The following SPON1 variants were observed in gnomAD, a reference collection of about 807,000 sequenced individuals.
The protein encoded by SPON1 is spondin 1, also known as spondin-1.
In SPON1, 52 loss-of-function variants were observed where a neutral mutation model predicts 111.7. That is an observed-to-expected ratio of 0.47 (90% confidence interval 0.37 to 0.59). The LOEUF is 0.59. Among genes scored for constraint, SPON1 ranks in the 20% least tolerant of loss-of-function variants. The probability of loss-of-function intolerance (pLI) is 0.00; values close to 1 mark genes in which losing one functional copy is unlikely to be tolerated. For synonymous variants in SPON1, 410 were observed against 395.8 expected, an observed-to-expected ratio of 1.04 and a Z score of -0.43; for missense variants, 957 against 1,068.5, an observed-to-expected ratio of 0.90 and a Z score of 1.46.
intron 7 of SPON1, among the ~76,000 whole-genome samples, chr11:14,247,190 T>G (rs578151842): frequency 5.9e-5 from 9 of 152,302 alleles, no homozygotes; most frequent in East Asian, 1.9e-4. Flanking sequence ...GGAGGCTCAC[T>G]CGAGCCCAGG....
At chr11:14,037,663 T>C (rs1554916813) in intron 2 of SPON1, among the ~76,000 whole-genome samples, 1 of 152,164 alleles carries the variant, frequency 6.6e-6, no homozygotes, top group African/African-American at 2.4e-5. Flanking sequence ...CTAGATGACA[T>C]TGGATATGGC....
chr11:14,194,676 TG>T (rs1848382735), intron 6 of SPON1, among the ~76,000 whole-genome samples: 1 of 152,220 alleles, frequency 6.6e-6, no homozygotes, highest in Non-Finnish European at 1.5e-5. Flanking sequence ...TTTCCTGCTC[TG>T]GTAAGCTAAT....
intron 1 of SPON1, among the ~76,000 whole-genome samples, chr11:13,963,830 G>A (rs1409138157): frequency 6.6e-6 from 1 of 152,164 alleles, no homozygotes; most frequent in East Asian, 1.9e-4. Flanking sequence ...GTGGGGACAG[G>A]GTCCTCAAAG....
intron 5 of SPON1, among the ~76,000 whole-genome samples, chr11:14,113,642 G>A (rs1849244234): frequency 1.7e-5 from 2 of 120,556 alleles, no homozygotes; most frequent in East Asian, 2.4e-4. Context: ...TCGCTCTGTC[G>A]CCCAGGCTGG....
intron 2 of SPON1, among the ~76,000 whole-genome samples, chr11:13,984,543 A>T (rs1352092975): frequency 4.6e-5 from 7 of 152,136 alleles, no homozygotes; most frequent in African/African-American, 1.4e-4. Context: ...CACTCTCAAG[A>T]TAACTAATCC....
At position 14,003,079 on chromosome 11, in the gene SPON1, A is replaced by G. The variant is rs1219832708; in HGVS notation, c.345+20126A>G. 5.3e-5 allele frequency among the ~76,000 whole-genome samples: 8 copies of G among 151,996 alleles called. 1 individual carries two copies. The highest frequency in any genetic ancestry group is 1.9e-4 in the African/African-American group (8 of 41,430). On this transcript the variant is annotated intron_variant, in intron 2 of 15. Coordinates refer to ENST00000576479, the MANE Select transcript of SPON1 (RefSeq NM_006108.4). The stretch of plus-strand genomic sequence containing the variant: ...AATGGCCTCCGCGTTGTCCGTGCAC[A>G]CTCCATCATCTTGCACACATTCCTC...
rs1847586732 is a variant in SPON1, at chr11:14,135,971, A to G, written c.825+403A>G. On this transcript the variant is annotated intron_variant, in intron 6 of 15. Coordinates refer to ENST00000576479, the MANE Select transcript of SPON1 (RefSeq NM_006108.4). The surrounding 1 kb of genome is among the most constrained non-coding windows in gnomAD (Gnocchi z 4.4). ...TGAGTATTGGCACGTGCTTTTTGCAACTATGTCTTGAGGTACTTGATAAAT... is the reference window on the plus strand; with the variant it reads ...TGAGTATTGGCACGTGCTTTTTGCAGCTATGTCTTGAGGTACTTGATAAAT... Among the ~76,000 whole-genome samples, 1 of 152,202 alleles carries G rather than the reference A, an allele frequency of 6.6e-6. No individual in the cohort carries two copies. Among genetic ancestry groups the G allele is most frequent in the African/African-American group, 2.4e-5 (1 of 41,434 alleles).
At chr11:14,204,785 C>T (rs1848500170) in intron 6 of SPON1, among the ~76,000 whole-genome samples, 1 of 151,886 alleles carries the variant, frequency 6.6e-6, no homozygotes, top group Non-Finnish European at 1.5e-5. Context: ...CCCGGGTTCA[C>T]GCCATTCTCC....
chr11:14,016,756 A>T (rs1554914328), intron 2 of SPON1, among the ~76,000 whole-genome samples: 1 of 152,212 alleles, frequency 6.6e-6, no homozygotes, highest in African/African-American at 2.4e-5. Context: ...AAATTGGGAA[A>T]GTCAAGAAGC....
intron 2 of SPON1, among the ~76,000 whole-genome samples, chr11:14,036,796 G>T (rs1848597570): frequency 6.6e-6 from 1 of 152,148 alleles, no homozygotes; most frequent in African/African-American, 2.4e-5. Context: ...AAAGAAAGTG[G>T]AGAGAGTGGA....
intron 6 of SPON1, among the ~76,000 whole-genome samples, chr11:14,227,589 A>G (rs1848754128): frequency 6.6e-6 from 1 of 152,200 alleles, no homozygotes. Flanking sequence ...AGAGAGGTGC[A>G]TTCTTTATTG....
intron 6 of SPON1, among the ~76,000 whole-genome samples, chr11:14,200,425 A>G (rs1174533040): frequency 7.2e-5 from 11 of 152,234 alleles, no homozygotes; most frequent in Non-Finnish European, 1.2e-4. Context: ...AAAAAGAACA[A>G]TATTTTTAAC....
chr11:14,101,296 A>G (rs1169068889), intron 5 of SPON1, among the ~76,000 whole-genome samples: 1 of 152,082 alleles, frequency 6.6e-6, no homozygotes, highest in Non-Finnish European at 1.5e-5. Flanking sequence ...GCTACTCAGG[A>G]GGCTGAGGCA....
intron 3 of SPON1, among the ~76,000 whole-genome samples, chr11:14,042,583 C>T (rs1848640112): frequency 6.6e-6 from 1 of 152,104 alleles, no homozygotes; most frequent in Admixed American, 6.5e-5. Context: ...GGTTCCAGTC[C>T]TAGCATCCAA....
rs141863625 is a variant in SPON1 at position 14,168,054 on chromosome 11, C to T, written c.825+32486C>T. On this transcript the variant is annotated intron_variant, in intron 6 of 15. Transcript: ENST00000576479. ...AAACACCTTCCCTATACACCTTGTACGTAAAACTGTTTCTCCAGTGGTCTC... is the reference window on the plus strand; with the variant it reads ...AAACACCTTCCCTATACACCTTGTATGTAAAACTGTTTCTCCAGTGGTCTC... 1.2e-4 allele frequency among the ~76,000 whole-genome samples: 18 copies of T among 152,260 alleles called. No individual in the cohort carries two copies. In the East Asian group the frequency reaches 1.9e-3, roughly 16 times the overall value.
At chr11:14,052,144 A>G (rs1848712147) in intron 3 of SPON1, among the ~76,000 whole-genome samples, 2 of 152,190 alleles carry the variant, frequency 1.3e-5, no homozygotes, top group Non-Finnish European at 2.9e-5. Context: ...GAGGTGAGAT[A>G]TTGTTCCCCA....
At chr11:14,026,428 A>G (rs1848518551) in intron 2 of SPON1, among the ~76,000 whole-genome samples, 1 of 152,232 alleles carries the variant, frequency 6.6e-6, no homozygotes, top group Non-Finnish European at 1.5e-5. Flanking sequence ...TAAGATATAC[A>G]TCTGTGCATG....
chr11:14,053,168 A>C (rs1413188868), intron 3 of SPON1, among the ~76,000 whole-genome samples: 8 of 152,230 alleles, frequency 5.3e-5, no homozygotes, highest in Non-Finnish European at 1.0e-4. Context: ...ACATAAAATC[A>C]ACCATTTTAA....
chr11:14,192,560 T>C (rs1016640491), intron 6 of SPON1, among the ~76,000 whole-genome samples: 1 of 152,074 alleles, frequency 6.6e-6, no homozygotes, highest in Non-Finnish European at 1.5e-5. Flanking sequence ...GTACAAAAGG[T>C]GAATTTAAGC....
Sources: allele counts gnomAD v4.1 joint callset (sites outside exome capture counted in the v4.1 genomes callset), GRCh38; gene constraint gnomAD v4.1.1; non-coding constraint Gnocchi (gnomAD v3.1); transcripts MANE v1.5; gene names NCBI Gene and HGNC (gene_info 2026-07-23, HGNC 2026-07-21).